Variants in CASR observed in about 807,000 individuals in gnomAD.
CASR encodes the protein extracellular calcium-sensing receptor.
Under a neutral mutation model 69.1 loss-of-function variants are expected in CASR, and 23 were observed. The observed-to-expected ratio is 0.33, with a 90% confidence interval of 0.24 to 0.47. CASR has a LOEUF of 0.47. CASR is among the 20% of genes least tolerant of loss of function. CASR has a pLI of 1.00. For missense variants in CASR, 924 were observed against 1,356.1 expected, an observed-to-expected ratio of 0.68 and a Z score of 5.00; for synonymous variants, 541 against 544.7, an observed-to-expected ratio of 0.99 and a Z score of 0.10.
chr3:122,281,995 T>A, intron 5 of CASR, 118 bp from the exon 6 acceptor site: 1 of 1,454,070 alleles, frequency 6.9e-7, no homozygotes, highest in East Asian at 2.3e-5. Context: ...GGGCCCAACG[T>A]CTGTCACACT....
chr3:122,242,951 T>C (rs2074392625), intron 1 of CASR, among the ~76,000 whole-genome samples: 1 of 152,140 alleles, frequency 6.6e-6, no homozygotes, highest in Non-Finnish European at 1.5e-5. Flanking sequence ...TAAATGGTGC[T>C]GAGAAAATTG....
chr3:122,273,530 C>T (rs1204226934), intron 4 of CASR, among the ~76,000 whole-genome samples: 1 of 152,176 alleles, frequency 6.6e-6, no homozygotes, highest in Non-Finnish European at 1.5e-5. Flanking sequence ...CCTGGCATGG[C>T]ATGTGGACAG....
chr3:122,208,876 G>A (rs899656158), intron 1 of CASR, among the ~76,000 whole-genome samples: 1 of 152,182 alleles, frequency 6.6e-6, no homozygotes, highest in Non-Finnish European at 1.5e-5. Context: ...GCACGCCTTA[G>A]ATGTAGATTA....
rs2074987189 is a variant in CASR, at chr3:122,288,424, T to C, written c.*3233T>C. On this transcript the variant is annotated 3_prime_UTR_variant, in exon 7 of 7. Coordinates refer to ENST00000639785, the MANE Select transcript of CASR (RefSeq NM_000388.4). Reference sequence around the variant, plus strand: ...TTTGTGTTGTTTTAAGCCATGAAGTTTATAGTAATTTGTTTCAGCAGCAAC... The same window carrying C: ...TTTGTGTTGTTTTAAGCCATGAAGTCTATAGTAATTTGTTTCAGCAGCAAC... The C allele has an allele frequency of 6.6e-6, 1 of 152,370 alleles. No individual in the cohort carries two copies. Among genetic ancestry groups the C allele is most frequent in the East Asian group, 1.9e-4 (1 of 5,184 alleles). The allele number at this position is 152,370 out of a possible 1,614,324, so 9.4% of individuals were successfully genotyped here.
intron 1 of CASR, among the ~76,000 whole-genome samples, chr3:122,226,815 C>T (rs1559944671): frequency 6.6e-6 from 1 of 151,992 alleles, no homozygotes; most frequent in Non-Finnish European, 1.5e-5. Context: ...ACCAGACTAA[C>T]TAGATACAGA....
Position 122,261,777 on chromosome 3 carries a change from G to A in CASR, c.742G>A (p.Asp248Asn). Residue 248 changes from aspartate to asparagine, a missense_variant, in exon 4 of 7, where the codon GAT becomes AAT. Asp to Asn is a conservative substitution (Grantham distance 23, BLOSUM62 1). This residue lies in a region of CASR where 310 missense variants were observed against 395.7 expected (regional missense o/e 0.78). Coordinates refer to ENST00000639785, the MANE Select transcript of CASR (RefSeq NM_000388.4). ...CAGTGAACTCATCTCCCAGTACTCT[G>A]ATGAGGAAGAGATCCAGCATGTGGT... Reference protein sequence around the residue: ...DFSELISQYSDEEEIQHVVEV... With the variant: ...DFSELISQYSNEEEIQHVVEV... 6.2e-7 allele frequency: 1 copy of A among 1,614,254 alleles called. No individual in the cohort carries two copies. The highest frequency in any genetic ancestry group is 1.1e-5 in the South Asian group (1 of 91,084).
At position 122,287,372 on chromosome 3, in the gene CASR, C is replaced by T. The variant is rs893239580; in HGVS notation, c.*2181C>T. 1 of 152,230 alleles carries T rather than the reference C, an allele frequency of 6.6e-6. No homozygotes were observed. The highest frequency in any genetic ancestry group is 1.5e-5 in the Non-Finnish European group (1 of 68,052). 9.4% of individuals were successfully genotyped at this position (152,230 alleles called of 1,614,324 possible). On this transcript the variant is annotated 3_prime_UTR_variant, in exon 7 of 7. Coordinates refer to ENST00000639785, the MANE Select transcript of CASR (RefSeq NM_000388.4). Reference sequence around the variant, plus strand: ...TACAGAAACACTGTCCCAATTTATACGTAGCAGGCACAACTCAGCACAAAA... The same window carrying T: ...TACAGAAACACTGTCCCAATTTATATGTAGCAGGCACAACTCAGCACAAAA...
chr3:122,274,642 C>T (rs1248774934), intron 4 of CASR, among the ~76,000 whole-genome samples: 2 of 152,190 alleles, frequency 1.3e-5, no homozygotes, highest in African/African-American at 4.8e-5. Context: ...TGGCTCATGC[C>T]TGTAACTCCA....
At chr3:122,279,344 G>T (rs1223530213) in intron 5 of CASR, among the ~76,000 whole-genome samples, 2 of 152,126 alleles carry the variant, frequency 1.3e-5, no homozygotes, top group African/African-American at 4.8e-5. Flanking sequence ...AAGAAGGAAA[G>T]CTACTAAATT....
At chr3:122,259,973 G>GA (rs1248180850) in intron 3 of CASR, among the ~76,000 whole-genome samples, 1 of 152,070 alleles carries the variant, frequency 6.6e-6, no homozygotes, top group Non-Finnish European at 1.5e-5. Context: ...AATCTCTCTG[G>GA]AAAAACTAGA....
intron 4 of CASR, among the ~76,000 whole-genome samples, chr3:122,274,539 C>A (rs2074793364): frequency 6.6e-6 from 1 of 152,182 alleles, no homozygotes. Context: ...TAAGGCCATT[C>A]ATTAGATGGA....
At chr3:122,278,486 A>C (rs1298541453) in intron 5 of CASR, among the ~76,000 whole-genome samples, 1 of 152,218 alleles carries the variant, frequency 6.6e-6, no homozygotes, top group Non-Finnish European at 1.5e-5. Context: ...AAGAAGTAAA[A>C]GAGACACCTT....
intron 4 of CASR, among the ~76,000 whole-genome samples, chr3:122,267,717 A>C (rs2074710500): frequency 6.6e-6 from 1 of 152,194 alleles, no homozygotes; most frequent in East Asian, 1.9e-4. Context: ...AAGCATATAC[A>C]TTTGCCCAAA....
intron 5 of CASR, 174 bp from the exon 6 acceptor site, chr3:122,281,939 A>T: frequency 1.3e-6 from 1 of 767,660 alleles, no homozygotes. Flanking sequence ...TGTCCCTTTC[A>T]CAGATATCAG....
chr3:122,279,897 A>T (rs901595729), intron 5 of CASR, among the ~76,000 whole-genome samples: 3 of 152,144 alleles, frequency 2.0e-5, no homozygotes, highest in Non-Finnish European at 4.4e-5. Context: ...CTGTCAACCC[A>T]TCACCTGGGT....
chr3:122,261,601 A>G lies in CASR; in HGVS notation c.566A>G (p.Asn189Ser), dbSNP rs762998933. ...QFKSFLRTIP[N>S]DEHQATAMAD... ...AAGTCTTTCCTCCGAACCATCCCCAATGATGAGCACCAGGCCACTGCCATG... is the reference window on the plus strand; with the variant it reads ...AAGTCTTTCCTCCGAACCATCCCCAGTGATGAGCACCAGGCCACTGCCATG... Residue 189 changes from asparagine (N) to serine (S), a missense_variant, in exon 4 of 7, where the codon AAT becomes AGT. Physicochemically the swap from Asn to Ser is conservative, Grantham distance 46. This residue lies in a region of CASR where 141 missense variants were observed against 283.0 expected (regional missense o/e 0.50). Transcript: ENST00000639785. 51 of 1,614,094 alleles carry G rather than the reference A, an allele frequency of 3.2e-5. No individual in the cohort carries two copies. The highest frequency in any genetic ancestry group is 6.6e-5 in the South Asian group (6 of 91,088).
chr3:122,290,355 T>C lies in CASR; in HGVS notation c.*5164T>C, dbSNP rs984182811. The C allele has an allele frequency of 1.3e-5, 2 of 152,146 alleles. No individual in the cohort carries two copies. Among genetic ancestry groups the C allele is most frequent in the Admixed American group, 1.3e-4 (2 of 15,288 alleles). 9.4% of individuals were successfully genotyped at this position (152,146 alleles called of 1,614,324 possible). A position where few individuals can be genotyped will look rare whatever the true frequency, so the allele number is the denominator to read the frequency against. ...GATTTCCTGTAAAGGCATCAGGAAA[T>C]GTTTTTGGAAGAATGTGATTGTCTT... On this transcript the variant is annotated 3_prime_UTR_variant, in exon 7 of 7. Transcript: ENST00000639785.
At chr3:122,248,117 G>A (rs761529126) in intron 1 of CASR, among the ~76,000 whole-genome samples, 23 of 152,278 alleles carry the variant, frequency 1.5e-4, no homozygotes, top group Admixed American at 1.1e-3. Context: ...AAGGGTGACC[G>A]GGCAATTTGT....
rs1190026813 is a variant in CASR, at chr3:122,290,899, G to T, written c.*5708G>T. The T allele has an allele frequency of 9.0e-5, 11 of 121,910 alleles. No individual in the cohort carries two copies. Among genetic ancestry groups the T allele is most frequent in the Non-Finnish European group, 1.6e-4 (10 of 62,286 alleles). 7.6% of individuals were successfully genotyped at this position (121,910 alleles called of 1,614,324 possible). ...CCCCCCTCCCCCCACCCCACAATAG[G>T]CCCTGGTGTGTGATGTTCCCCTTCC... On this transcript the variant is annotated 3_prime_UTR_variant, in exon 7 of 7. Coordinates refer to ENST00000639785, the MANE Select transcript of CASR (RefSeq NM_000388.4).
Sources: allele counts gnomAD v4.1 joint callset (sites outside exome capture counted in the v4.1 genomes callset), GRCh38; gene constraint gnomAD v4.1.1; regional missense constraint gnomAD v4.1.1; transcripts MANE v1.5; gene names NCBI Gene and HGNC (gene_info 2026-07-23, HGNC 2026-07-21).